The following PPP1R16B variants were observed in gnomAD, a reference collection of about 807,000 sequenced individuals.
PPP1R16B encodes protein phosphatase 1 regulatory inhibitor subunit 16B.
Under a neutral mutation model 61.7 loss-of-function variants are expected in PPP1R16B, and 14 were observed. The observed-to-expected ratio is 0.23, with a 90% CI of 0.15 to 0.35. PPP1R16B has a LOEUF of 0.35. Ranked by LOEUF, PPP1R16B falls within the 10% of genes least tolerant of loss-of-function variation. The pLI, the probability that PPP1R16B is intolerant of heterozygous loss-of-function variation, is 1.00. For missense variants in PPP1R16B, 547 were observed against 752.5 expected (o/e 0.73, Z 3.19); for synonymous variants, 266 against 305.3 (o/e 0.87, Z 1.34).
intron 1 of PPP1R16B, among the ~76,000 whole-genome samples, chr20:38,813,293 A>T (rs1178152696): frequency 6.6e-6 from 1 of 152,244 alleles, no homozygotes; most frequent in African/African-American, 2.4e-5. Flanking sequence ...ACATGTATCC[A>T]GGTACATGGT....
In PPP1R16B at chr20:38,918,582, C is replaced by T. The variant is rs1329505854; in HGVS notation, c.1620C>T (p.Thr540=). 1 of 1,535,148 alleles carries T rather than the reference C, an allele frequency of 6.5e-7. No homozygotes were observed. Among genetic ancestry groups the T allele is most frequent in the African/African-American group, 1.4e-5 (1 of 72,522 alleles). The change falls in exon 11 of 11, where the codon ACC becomes ACT. Residue 540 remains threonine, a synonymous_variant. Transcript: ENST00000299824. The surrounding 1 kb of genome is among the most constrained non-coding windows in gnomAD (Gnocchi z 5.3). ...SNGTSVYYTV[T]SGDPPLLKFK... Reference sequence around the variant, plus strand: ...GGACCTCGGTATATTACACGGTCACCAGCGGAGATCCCCCACTCTTAAAGT... The same window carrying T: ...GGACCTCGGTATATTACACGGTCACTAGCGGAGATCCCCCACTCTTAAAGT...
At chr20:38,809,486 G>A (rs1389022370) in intron 1 of PPP1R16B, among the ~76,000 whole-genome samples, 1 of 152,112 alleles carries the variant, frequency 6.6e-6, no homozygotes, top group Non-Finnish European at 1.5e-5. Context: ...CAGATAATGA[G>A]GACACTGTGG....
At chr20:38,884,179 G>A (rs189216271) in intron 2 of PPP1R16B, among the ~76,000 whole-genome samples, 1 of 152,254 alleles carries the variant, frequency 6.6e-6, no homozygotes, top group Non-Finnish European at 1.5e-5. Context: ...GAGAGCAAGA[G>A]ATGAGCCGGG....
chr20:38,852,613 G>T (rs900020630), intron 2 of PPP1R16B, among the ~76,000 whole-genome samples: 1 of 152,102 alleles, frequency 6.6e-6, no homozygotes, highest in Admixed American at 6.5e-5. Context: ...TGTATGAGAG[G>T]CTTGTCAGGT....
intron 1 of PPP1R16B, among the ~76,000 whole-genome samples, chr20:38,821,783 CAA>C (rs2084774817): frequency 6.6e-6 from 1 of 151,958 alleles, no homozygotes; most frequent in Non-Finnish European, 1.5e-5. Flanking sequence ...CATTCTTGAG[CAA>C]AGTTATAACT....
Position 38,907,092 on chromosome 20 carries a change from A to G in PPP1R16B, c.898+38A>G. On this transcript the variant is annotated intron_variant, in intron 8 of 10. Coordinates refer to ENST00000299824, the MANE Select transcript of PPP1R16B (RefSeq NM_015568.4). This position sits in a 1 kb window ranked among gnomAD's most constrained non-coding sequence, Gnocchi z 4.5. ...CAATAGCTGGTGTGCACAAATAGGC[A>G]GTTATCAATGTTTTGATGGGTAGAG... The G allele has an allele frequency of 2.6e-6, 4 of 1,517,880 alleles. No individual in the cohort carries two copies. The highest frequency in any genetic ancestry group is 2.2e-5 in the South Asian group (2 of 89,046). The allele number at this position is 1,517,880 out of a possible 1,614,324, so 94.0% of individuals were successfully genotyped here. A position where few individuals can be genotyped will look rare whatever the true frequency, so the allele number is the denominator to read the frequency against.
chr20:38,899,309 C>A (rs1372962575), intron 4 of PPP1R16B, among the ~76,000 whole-genome samples: 1 of 152,188 alleles, frequency 6.6e-6, no homozygotes, highest in Non-Finnish European at 1.5e-5. Flanking sequence ...ATCAGATGGC[C>A]ACAGCCTGAT....
intron 2 of PPP1R16B, among the ~76,000 whole-genome samples, chr20:38,873,900 T>C: frequency 6.6e-6 from 1 of 152,062 alleles, no homozygotes; most frequent in Non-Finnish European, 1.5e-5. Flanking sequence ...GGCTAATTTT[T>C]GTATTTTTAG....
intron 2 of PPP1R16B, among the ~76,000 whole-genome samples, chr20:38,880,085 A>G (rs2085194155): frequency 6.6e-6 from 1 of 152,224 alleles, no homozygotes; most frequent in Non-Finnish European, 1.5e-5. Flanking sequence ...TGCGGTCATC[A>G]GAAATTGACT....
At chr20:38,855,356 T>C (rs976545997) in intron 2 of PPP1R16B, among the ~76,000 whole-genome samples, 12 of 150,452 alleles carry the variant, frequency 8.0e-5, no homozygotes, top group African/African-American at 2.9e-4. Context: ...TCCCTTGTTA[T>C]TAAAAAAAAA....
At chr20:38,876,402 C>T (rs1353942625) in intron 2 of PPP1R16B, among the ~76,000 whole-genome samples, 1 of 152,182 alleles carries the variant, frequency 6.6e-6, no homozygotes, top group Non-Finnish European at 1.5e-5. Context: ...AGCTGTGCTG[C>T]TGGAGCCTCA....
chr20:38,900,718 A>G (rs1462552661), intron 5 of PPP1R16B, 34 bp downstream of exon 5: 1 of 1,487,702 alleles, frequency 6.7e-7, no homozygotes, highest in Non-Finnish European at 9.0e-7. Flanking sequence ...AAGTGAGCAC[A>G]GCACAGAGTT....
intron 2 of PPP1R16B, among the ~76,000 whole-genome samples, chr20:38,846,926 G>A (rs2084938870): frequency 6.6e-6 from 1 of 152,158 alleles, no homozygotes; most frequent in African/African-American, 2.4e-5. Flanking sequence ...GAACTTTTGA[G>A]CCCAGGAGGT....
chr20:38,903,539 A>C (rs1003549850), intron 6 of PPP1R16B, among the ~76,000 whole-genome samples: 1 of 97,732 alleles, frequency 1.0e-5, no homozygotes, highest in Admixed American at 1.1e-4. Context: ...CCAACCATCC[A>C]TCCATCCATC....
intron 2 of PPP1R16B, among the ~76,000 whole-genome samples, chr20:38,858,125 C>T (rs1237278887): frequency 2.0e-5 from 3 of 152,060 alleles, no homozygotes; most frequent in Non-Finnish European, 4.4e-5. Context: ...CTAATCCCAT[C>T]ATGGGGGCCC....
chr20:38,874,085 C>T (rs1015994301), intron 2 of PPP1R16B, among the ~76,000 whole-genome samples: 1 of 152,172 alleles, frequency 6.6e-6, no homozygotes, highest in Non-Finnish European at 1.5e-5. Context: ...CTATTGGTGA[C>T]ACATTAGCCC....
intron 2 of PPP1R16B, among the ~76,000 whole-genome samples, chr20:38,876,498 T>C (rs2085168076): frequency 6.6e-6 from 1 of 151,228 alleles, no homozygotes; most frequent in African/African-American, 2.4e-5. Flanking sequence ...GTAATGTTCA[T>C]GTATTGCCAA....
chr20:38,919,322 C>A lies in PPP1R16B; in HGVS notation c.*656C>A, dbSNP rs1442865189. 6.6e-6 allele frequency: 1 copy of A among 152,424 alleles called. No homozygotes were observed. The highest frequency in any genetic ancestry group is 1.5e-5 in the Non-Finnish European group (1 of 68,058). 9.4% of individuals were successfully genotyped at this position (152,424 alleles called of 1,614,324 possible). ...ATGGGTAGATGAGATAGACACAGAC[C>A]TGCTCCCCGCAGCCTTGTTGAGAGC... is the stretch of plus-strand genomic sequence containing the variant. On this transcript the variant is annotated 3_prime_UTR_variant, in exon 11 of 11. Coordinates refer to ENST00000299824, the MANE Select transcript of PPP1R16B (RefSeq NM_015568.4).
chr20:38,878,751 A>G (rs989371190), intron 2 of PPP1R16B, among the ~76,000 whole-genome samples: 1 of 152,270 alleles, frequency 6.6e-6, no homozygotes, highest in Non-Finnish European at 1.5e-5. Flanking sequence ...AGATGCTATT[A>G]TGATGGCTGT....
Sources: allele counts gnomAD v4.1 joint callset (sites outside exome capture counted in the v4.1 genomes callset), GRCh38; gene constraint gnomAD v4.1.1; non-coding constraint Gnocchi (gnomAD v3.1); transcripts MANE v1.5; gene names NCBI Gene and HGNC (gene_info 2026-07-23, HGNC 2026-07-21).